SLC44A1: variants seen among roughly 807,000 people sequenced by gnomAD.
SLC44A1 encodes the protein solute carrier family 44 member 1.
Under a neutral mutation model 79.3 loss-of-function variants are expected in SLC44A1, and 26 were observed. The ratio of observed to expected loss-of-function variants is 0.33; its 90% confidence interval spans 0.24 to 0.46. The LOEUF (loss-of-function observed/expected upper bound fraction) is 0.46, where lower values mean the gene tolerates loss of function less well. SLC44A1 is among the 20% of genes least tolerant of loss of function. SLC44A1 has a pLI of 1.00. For missense variants in SLC44A1, 688 were observed against 798.1 expected, an observed-to-expected ratio of 0.86 and a Z score of 1.66; for synonymous variants, 263 against 286.2, an observed-to-expected ratio of 0.92 and a Z score of 0.82.
intron 3 of SLC44A1, among the ~76,000 whole-genome samples, chr9:105,326,055 TG>T (rs1425062185): frequency 8.5e-5 from 13 of 152,162 alleles, no homozygotes; most frequent in Admixed American, 2.0e-4. Flanking sequence ...AGTAGAAAAT[TG>T]TTTTTTTATG....
intron 4 of SLC44A1, among the ~76,000 whole-genome samples, chr9:105,338,489 A>T (rs1018401841): frequency 5.3e-5 from 8 of 152,082 alleles, no homozygotes; most frequent in African/African-American, 1.9e-4. Flanking sequence ...ATCATGATTC[A>T]TTGCAGCCTT....
At position 105,393,290 on chromosome 9, in the gene SLC44A1, TG is replaced by T. The variant is rs1482445081; in HGVS notation, c.*4236del. On this transcript the variant is annotated 3_prime_UTR_variant, in exon 16 of 16. Coordinates refer to ENST00000374720, the MANE Select transcript of SLC44A1 (RefSeq NM_080546.5). Reference sequence around the variant, plus strand: ...GCACTATTCATACACAGTAGCTTCTTGGAATTAACTCATCTTTGTTAACTTA... The same window carrying T: ...GCACTATTCATACACAGTAGCTTCTTGAATTAACTCATCTTTGTTAACTTA... 1.3e-5 allele frequency: 13 copies of T among 985,362 alleles called. No individual in the cohort carries two copies. The highest frequency in any genetic ancestry group is 1.4e-5 in the Non-Finnish European group (12 of 829,938). 61.0% of individuals were successfully genotyped at this position (985,362 alleles called of 1,614,324 possible).
chr9:105,382,169 G>A (rs1481211438), intron 13 of SLC44A1, among the ~76,000 whole-genome samples: 2 of 152,036 alleles, frequency 1.3e-5, no homozygotes, highest in African/African-American at 4.8e-5. Flanking sequence ...CCTTGACCTT[G>A]GATCTACTCT....
At chr9:105,352,091 T>C (rs1827467229) in intron 5 of SLC44A1, among the ~76,000 whole-genome samples, 2 of 152,032 alleles carry the variant, frequency 1.3e-5, no homozygotes, top group South Asian at 2.1e-4. Flanking sequence ...CAAGACCCTC[T>C]CTCTCTATAA....
intron 7 of SLC44A1, among the ~76,000 whole-genome samples, chr9:105,359,599 G>A (rs1482629692): frequency 6.6e-6 from 1 of 151,956 alleles, no homozygotes. Context: ...TGTCTACCAT[G>A]GCTATTGTGA....
chr9:105,436,421 A>G (rs1829464481), intron 15 of SLC44A1, among the ~76,000 whole-genome samples: 2 of 152,092 alleles, frequency 1.3e-5, no homozygotes, highest in Admixed American at 1.3e-4. Context: ...AGTATGTAAA[A>G]TCATAAAAAT....
At chr9:105,437,500 A>G (rs1829479596) in intron 15 of SLC44A1, among the ~76,000 whole-genome samples, 1 of 152,032 alleles carries the variant, frequency 6.6e-6, no homozygotes. Context: ...ACACACACAT[A>G]TCTATTAGGT....
At position 105,389,065 on chromosome 9, in the gene SLC44A1, G is replaced by T. The variant is rs759867064; in HGVS notation, c.*9G>T. 2 of 1,612,924 alleles carry T rather than the reference G, an allele frequency of 1.2e-6. No individual in the cohort carries two copies. The highest frequency in any genetic ancestry group is 2.2e-5 in the South Asian group (2 of 91,014). ...GAGCAAGTTCTGCTTGAACCTAGCCGACGGTTATGGAAACCCATTGACATT... is the reference window on the plus strand; with the variant it reads ...GAGCAAGTTCTGCTTGAACCTAGCCTACGGTTATGGAAACCCATTGACATT... On this transcript the variant is annotated 3_prime_UTR_variant, in exon 16 of 16. Coordinates refer to ENST00000374720, the MANE Select transcript of SLC44A1 (RefSeq NM_080546.5).
At chr9:105,287,055 G>T (rs1830495646) in intron 1 of SLC44A1, among the ~76,000 whole-genome samples, 1 of 152,182 alleles carries the variant, frequency 6.6e-6, no homozygotes, top group South Asian at 2.1e-4. Context: ...ACAGCAGAAA[G>T]GTGAAAGTAA....
At position 105,374,718 on chromosome 9, in the gene SLC44A1, A is replaced by G. The variant is rs768958162; in HGVS notation, c.1615A>G (p.Met539Val). The part of the protein sequence containing the change: ...VATINTVGDF[M>V]LFLGKVLIVC... The stretch of plus-strand genomic sequence containing the variant: ...TACCATCAACACAGTAGGAGATTTT[A>G]TGTTATTCCTTGGCAAGGTAAAACC... Residue 539 changes from methionine to valine, a missense_variant, in exon 13 of 16, where the codon ATG becomes GTG. Physicochemically the swap from Met to Val is conservative, Grantham distance 21 (BLOSUM62 1). Transcript: ENST00000374720. 1.2e-6 allele frequency: 2 copies of G among 1,611,676 alleles called. No individual in the cohort carries two copies. The highest frequency in any genetic ancestry group is 1.7e-6 in the Non-Finnish European group (2 of 1,178,882).
intron 15 of SLC44A1, among the ~76,000 whole-genome samples, chr9:105,415,291 A>C (rs1829152667): frequency 6.6e-6 from 1 of 152,234 alleles, no homozygotes; most frequent in Admixed American, 6.5e-5. Context: ...GGTGCAAGGA[A>C]GGTAAAAAAG....
chr9:105,383,803 T>C (rs952477522), intron 14 of SLC44A1, among the ~76,000 whole-genome samples: 8 of 152,230 alleles, frequency 5.3e-5, no homozygotes, highest in African/African-American at 1.9e-4. Flanking sequence ...ATCTTAAATA[T>C]GGTAGGCCAA....
At chr9:105,295,331 G>T (rs867264957) in intron 1 of SLC44A1, among the ~76,000 whole-genome samples, 2 of 152,168 alleles carry the variant, frequency 1.3e-5, no homozygotes, top group African/African-American at 2.4e-5. Flanking sequence ...TTCCTAAACC[G>T]CAAGATCCTG....
At chr9:105,325,496 C>T (rs988493584) in intron 3 of SLC44A1, among the ~76,000 whole-genome samples, 3 of 152,110 alleles carry the variant, frequency 2.0e-5, no homozygotes, top group African/African-American at 7.2e-5. Flanking sequence ...TCATGAGAGC[C>T]TTTTGCTGGT....
rs547130060 is a variant in SLC44A1, at chr9:105,316,152, G to T, written c.269+6286G>T. Among the ~76,000 whole-genome samples, 165 of 152,130 alleles carry T rather than the reference G, an allele frequency of 1.1e-3. 1 individual carries two copies. Among genetic ancestry groups the T allele is most frequent in the African/African-American group, 3.6e-3 (148 of 41,498 alleles). ...ACATACTTTTTTTTTTATCTCATGGGAATTACAGTTTTGTGGAGACAACAA... is the reference window on the plus strand; with the variant it reads ...ACATACTTTTTTTTTTATCTCATGGTAATTACAGTTTTGTGGAGACAACAA... On this transcript the variant is annotated intron_variant, in intron 3 of 15. Transcript: ENST00000374720.
chr9:105,329,053 C>T (rs1177488756), intron 3 of SLC44A1, among the ~76,000 whole-genome samples: 1 of 152,166 alleles, frequency 6.6e-6, no homozygotes, highest in Non-Finnish European at 1.5e-5. Context: ...GAGGCCTCCT[C>T]TGGGCAGAAT....
intron 1 of SLC44A1, among the ~76,000 whole-genome samples, chr9:105,293,895 C>CT (rs1434794877): frequency 6.6e-6 from 1 of 152,136 alleles, no homozygotes; most frequent in Admixed American, 6.5e-5. Context: ...AATGTGGAGT[C>CT]TAAGACATAG....
intron 15 of SLC44A1, among the ~76,000 whole-genome samples, chr9:105,430,627 G>A (rs549758503): frequency 8.5e-5 from 13 of 152,252 alleles, no homozygotes; most frequent in African/African-American, 3.1e-4. Flanking sequence ...GCTGAATAAT[G>A]TTCTGATGTG....
Position 105,391,360 on chromosome 9 carries a change from A to G in SLC44A1, c.*2304A>G, listed in dbSNP as rs901400844. On this transcript the variant is annotated 3_prime_UTR_variant, in exon 16 of 16. Transcript: ENST00000374720. ...GTATAACTTGATTGTGTGCCATTTT[A>G]TATAACAGGTCCTGTTTTACAAATA... 1.0e-6 allele frequency: 1 copy of G among 983,318 alleles called. No homozygotes were observed. The highest frequency in any genetic ancestry group is 1.2e-6 in the Non-Finnish European group (1 of 827,750). 60.9% of individuals were successfully genotyped at this position (983,318 alleles called of 1,614,324 possible).
Sources: allele counts gnomAD v4.1 joint callset (sites outside exome capture counted in the v4.1 genomes callset), GRCh38; gene constraint gnomAD v4.1.1; transcripts MANE v1.5; gene names NCBI Gene and HGNC (gene_info 2026-07-23, HGNC 2026-07-21).